MAF: variants seen among roughly 807,000 people sequenced by gnomAD.
The protein encoded by MAF is MAF bZIP transcription factor, also known as transcription factor Maf.
Under a neutral mutation model 22.0 loss-of-function variants are expected in MAF, and 10 were observed. The observed-to-expected ratio is 0.45, with a 90% CI of 0.28 to 0.77. The LOEUF (loss-of-function observed/expected upper bound fraction) is 0.77. MAF is among the 30% of genes least tolerant of loss of function. The pLI is 0.12. For missense variants in MAF, 544 were observed against 548.4 expected (o/e 0.99, Z 0.08); for synonymous variants, 337 against 255.8 (o/e 1.32, Z -3.03).
the MAF span, among the ~76,000 whole-genome samples, chr16:79,364,125 G>A: frequency 6.6e-6 from 1 of 152,186 alleles, no homozygotes; most frequent in Non-Finnish European, 1.5e-5. Context: ...AGGAGCTCAT[G>A]TAGTGTCCTA....
the MAF span, among the ~76,000 whole-genome samples, chr16:79,378,108 T>C: frequency 2.0e-5 from 3 of 152,128 alleles, no homozygotes; most frequent in Admixed American, 6.6e-5. Flanking sequence ...AATCTATAAA[T>C]TACCTTGGGA....
At chr16:79,550,645 T>A in the MAF span, among the ~76,000 whole-genome samples, 1,577 of 152,266 alleles carry the variant, frequency 0.01, 25 homozygotes, top group African/African-American at 0.036. Context: ...AGGTAGAGCC[T>A]CATGATATCT....
the MAF span, among the ~76,000 whole-genome samples, chr16:79,571,773 G>A: frequency 2.6e-5 from 4 of 151,980 alleles, no homozygotes; most frequent in South Asian, 2.1e-4. Context: ...CTAGATTCAC[G>A]AAGGAGCTCC....
chr16:79,322,546 G>C, the MAF span, among the ~76,000 whole-genome samples: 1 of 152,208 alleles, frequency 6.6e-6, no homozygotes. Flanking sequence ...CTATGAGCCA[G>C]ACATTGTGCT....
the MAF span, among the ~76,000 whole-genome samples, chr16:79,534,084 A>G: frequency 6.6e-6 from 1 of 152,236 alleles, no homozygotes; most frequent in Non-Finnish European, 1.5e-5. Context: ...CCCTTGAGGA[A>G]AGAGATCAGA....
At chr16:79,576,398 C>T in the MAF span, among the ~76,000 whole-genome samples, 19 of 152,248 alleles carry the variant, frequency 1.2e-4, no homozygotes, top group African/African-American at 3.1e-4. Context: ...TCCTTCCCCA[C>T]GGAGGGTCGT....
At chr16:79,239,247 C>T in the MAF span, among the ~76,000 whole-genome samples, 1 of 152,044 alleles carries the variant, frequency 6.6e-6, no homozygotes, top group Admixed American at 6.6e-5. Context: ...GTGCCCTAGG[C>T]TCCTAGTTTG....
the MAF span, among the ~76,000 whole-genome samples, chr16:79,362,521 G>C: frequency 6.6e-6 from 1 of 152,154 alleles, no homozygotes; most frequent in Non-Finnish European, 1.5e-5. Flanking sequence ...TTATTTATTA[G>C]TCACCATTAG....
chr16:79,491,035 A>G, the MAF span, among the ~76,000 whole-genome samples: 102 of 152,360 alleles, frequency 6.7e-4, no homozygotes, highest in African/African-American at 2.2e-3. Flanking sequence ...AGAATCAATA[A>G]ATGGAAACAA....
chr16:79,551,997 A>G, the MAF span, among the ~76,000 whole-genome samples: 1 of 151,840 alleles, frequency 6.6e-6, no homozygotes, highest in African/African-American at 2.4e-5. Flanking sequence ...ATATATAGAC[A>G]TTCTAAGGAA....
At chr16:79,492,763 C>A in the MAF span, among the ~76,000 whole-genome samples, 1 of 152,044 alleles carries the variant, frequency 6.6e-6, no homozygotes, top group Non-Finnish European at 1.5e-5. Context: ...AGAAAGAGGC[C>A]AGACCCAAAA....
chr16:79,514,684 A>C, the MAF span, among the ~76,000 whole-genome samples: 1 of 152,258 alleles, frequency 6.6e-6, no homozygotes, highest in Non-Finnish European at 1.5e-5. Context: ...CTACAGACCC[A>C]ATCTCCATCC....
At chr16:79,437,383 A>C in the MAF span, among the ~76,000 whole-genome samples, 1 of 152,184 alleles carries the variant, frequency 6.6e-6, no homozygotes, top group Admixed American at 6.5e-5. Flanking sequence ...AGGCTGCACA[A>C]CCACCGTGTG....
chr16:79,590,969 G>A (rs1284909620), downstream of MAF, among the ~76,000 whole-genome samples: 1 of 152,062 alleles, frequency 6.6e-6, no homozygotes, highest in South Asian at 2.1e-4. Flanking sequence ...TAGAGAACCA[G>A]GGCAACTATA....
the MAF span, among the ~76,000 whole-genome samples, chr16:79,383,153 C>T: frequency 6.6e-6 from 1 of 152,102 alleles, no homozygotes; most frequent in Non-Finnish European, 1.5e-5. Flanking sequence ...ACATTTACTT[C>T]AGTCTTGAAC....
At chr16:79,534,013 C>A in the MAF span, among the ~76,000 whole-genome samples, 1 of 152,146 alleles carries the variant, frequency 6.6e-6, no homozygotes, top group Non-Finnish European at 1.5e-5. Flanking sequence ...CCTCACTGTC[C>A]CCATACTACA....
the MAF span, among the ~76,000 whole-genome samples, chr16:79,248,606 C>G: frequency 6.6e-6 from 1 of 152,094 alleles, no homozygotes; most frequent in Non-Finnish European, 1.5e-5. Flanking sequence ...TCACTTGGCT[C>G]CTTCTCAATT....
the MAF span, among the ~76,000 whole-genome samples, chr16:79,393,411 C>A: frequency 1.8e-3 from 271 of 152,320 alleles, 1 homozygote; most frequent in Non-Finnish European, 3.5e-3. Flanking sequence ...AGAGGTTGGG[C>A]TATCCAGCGC....
chr16:79,502,935 C>T, the MAF span, among the ~76,000 whole-genome samples: 1 of 151,316 alleles, frequency 6.6e-6, no homozygotes, highest in African/African-American at 2.4e-5. Context: ...CTACACACAT[C>T]TTAGTAAATA....
Sources: allele counts gnomAD v4.1 joint callset (sites outside exome capture counted in the v4.1 genomes callset), GRCh38; gene constraint gnomAD v4.1.1; transcripts MANE v1.5; gene names NCBI Gene and HGNC (gene_info 2026-07-23, HGNC 2026-07-21).